TENM3: variants seen among roughly 807,000 people sequenced by gnomAD.
The protein encoded by TENM3 is teneurin transmembrane protein 3.
In TENM3, 63 loss-of-function variants were observed where a neutral mutation model predicts 255.1. The observed-to-expected ratio is 0.25, with a 90% CI of 0.20 to 0.30. TENM3 has a LOEUF of 0.30. Among genes scored for constraint, TENM3 ranks in the 10% least tolerant of loss-of-function variants. The pLI is 1.00. For missense variants in TENM3, 2,929 were observed against 3,461.1 expected (o/e 0.85, Z 3.86); for synonymous variants, 1,306 against 1,322.3 (o/e 0.99, Z 0.27).
intron 12 of TENM3, among the ~76,000 whole-genome samples, chr4:182,712,488 A>T (rs888862259): frequency 6.6e-6 from 1 of 152,138 alleles, no homozygotes; most frequent in Non-Finnish European, 1.5e-5. Context: ...TTTATTGAAT[A>T]ATCCATAAAT....
chr4:181,828,078 T>C, the TENM3 span, among the ~76,000 whole-genome samples: 1 of 152,140 alleles, frequency 6.6e-6, no homozygotes, highest in Non-Finnish European at 1.5e-5. Flanking sequence ...TTGACCCTTT[T>C]TGAGCGAGGA....
chr4:181,569,711 C>T, the TENM3 span, among the ~76,000 whole-genome samples: 1 of 152,250 alleles, frequency 6.6e-6, no homozygotes, highest in African/African-American at 2.4e-5. Context: ...AATTTCTGGT[C>T]TCAGGATAGT....
At chr4:181,496,881 G>A in the TENM3 span, among the ~76,000 whole-genome samples, 7 of 152,280 alleles carry the variant, frequency 4.6e-5, no homozygotes, top group South Asian at 1.5e-3. Flanking sequence ...GGTTGGTCTA[G>A]CAACCTTGTG....
the TENM3 span, among the ~76,000 whole-genome samples, chr4:181,563,680 A>G: frequency 3.3e-5 from 5 of 152,274 alleles, no homozygotes; most frequent in Non-Finnish European, 5.9e-5. Flanking sequence ...ATTCATTTTT[A>G]TTCAACTTTT....
At chr4:182,064,357 T>A in the TENM3 span, among the ~76,000 whole-genome samples, 2 of 152,042 alleles carry the variant, frequency 1.3e-5, no homozygotes, top group South Asian at 4.1e-4. Context: ...GAAGGGCGGA[T>A]CACGAGGTCA....
chr4:182,757,304 T>G (rs1257172071), intron 22 of TENM3, among the ~76,000 whole-genome samples: 1 of 91,084 alleles, frequency 1.1e-5, no homozygotes, highest in African/African-American at 4.6e-5. Context: ...AGAGTGAGAC[T>G]CCGTCTCAAA....
chr4:182,701,284 G>A (rs915231467), intron 12 of TENM3, among the ~76,000 whole-genome samples: 3 of 128,536 alleles, frequency 2.3e-5, no homozygotes, highest in South Asian at 2.6e-4. Flanking sequence ...GCAGTGGCAC[G>A]ATCTCGGCTC....
rs1326939853 is a variant in TENM3 at position 182,161,759 on chromosome 4, AT to A, written c.-76+17006del. Among the ~76,000 whole-genome samples the A allele has an allele frequency of 6.2e-4, 29 of 46,942 alleles. 12 individuals carry two copies. Among genetic ancestry groups the A allele is most frequent in the Non-Finnish European group, 1.0e-3 (24 of 23,968 alleles). 30.8% of individuals were successfully genotyped at this position (46,942 alleles called of 152,430 possible). On this transcript the variant is annotated intron_variant, in intron 1 of 2. Coordinates refer to the TENM3 transcript ENST00000512480. ...CACAAATATATGTGTATATATATACATATATATGTGTATATATATATACACA... is the reference window on the plus strand; with the variant it reads ...CACAAATATATGTGTATATATATACAATATATGTGTATATATATATACACA...
the TENM3 span, among the ~76,000 whole-genome samples, chr4:181,552,422 G>A: frequency 6.6e-6 from 1 of 152,160 alleles, no homozygotes; most frequent in Non-Finnish European, 1.5e-5. Flanking sequence ...TGTTTAGAAA[G>A]TGATGGTGCA....
chr4:181,822,977 C>T, the TENM3 span, among the ~76,000 whole-genome samples: 7 of 151,720 alleles, frequency 4.6e-5, no homozygotes, highest in Admixed American at 2.0e-4. Flanking sequence ...AATGAGAATA[C>T]GATCTAAAAA....
intron 3 of TENM3, among the ~76,000 whole-genome samples, chr4:182,429,212 T>C (rs1771450929): frequency 6.6e-6 from 1 of 152,212 alleles, no homozygotes; most frequent in Non-Finnish European, 1.5e-5. Context: ...AATAATGACA[T>C]TATTGAATTA....
At chr4:181,547,017 A>G in the TENM3 span, among the ~76,000 whole-genome samples, 1 of 152,138 alleles carries the variant, frequency 6.6e-6, no homozygotes, top group Non-Finnish European at 1.5e-5. Flanking sequence ...AGCCCTGCCC[A>G]TGTGCACAAA....
chr4:182,406,795 A>G (rs1769612138), intron 3 of TENM3, among the ~76,000 whole-genome samples: 1 of 152,232 alleles, frequency 6.6e-6, no homozygotes, highest in South Asian at 2.1e-4. Context: ...AACATTCTAC[A>G]GAACGTTTTG....
the TENM3 span, among the ~76,000 whole-genome samples, chr4:181,872,604 C>G: frequency 6.6e-6 from 1 of 152,130 alleles, no homozygotes; most frequent in Non-Finnish European, 1.5e-5. Context: ...CATAATATTT[C>G]TTTATTATCC....
At chr4:182,757,087 C>T (rs961562088) in intron 22 of TENM3, among the ~76,000 whole-genome samples, 7 of 151,942 alleles carry the variant, frequency 4.6e-5, no homozygotes, top group Non-Finnish European at 7.4e-5. Context: ...CCGAGGCAGG[C>T]GGATCACGAG....
intron 1 of TENM3, among the ~76,000 whole-genome samples, chr4:182,169,104 C>CACACACACACAT (rs1554025014): frequency 1.6e-4 from 24 of 151,512 alleles, no homozygotes; most frequent in African/African-American, 5.8e-4. Flanking sequence ...CACACACACA[C>CACACACACACAT]GTGGGTGTGA....
the TENM3 span, among the ~76,000 whole-genome samples, chr4:181,561,300 A>G: frequency 1.3e-5 from 2 of 152,198 alleles, no homozygotes; most frequent in Non-Finnish European, 2.9e-5. Context: ...AGTTTAATAT[A>G]TAATGTAAAG....
chr4:181,924,474 A>T, the TENM3 span, among the ~76,000 whole-genome samples: 1 of 152,156 alleles, frequency 6.6e-6, no homozygotes, highest in Non-Finnish European at 1.5e-5. Flanking sequence ...CATGCACATG[A>T]CTTCCCCTGG....
At chr4:182,171,574 C>G (rs577579352) in intron 1 of TENM3, among the ~76,000 whole-genome samples, 45 of 152,270 alleles carry the variant, frequency 3.0e-4, no homozygotes, top group African/African-American at 1.0e-3. Flanking sequence ...AGCAATCCTC[C>G]TACCGCAGTC....
Sources: gnomAD v4.1 joint callset for allele counts (sites outside exome capture counted in the v4.1 genomes callset) on GRCh38, gnomAD v4.1.1 for gene constraint, MANE v1.5 for transcripts, NCBI Gene and HGNC (gene_info 2026-07-23, HGNC 2026-07-21) for gene names.